SASH1: variants seen among roughly 807,000 people sequenced by gnomAD.
SASH1 encodes SAM and SH3 domain containing 1, also known as SAM and SH3 domain-containing protein 1.
In SASH1, 44 loss-of-function variants were observed where a neutral mutation model predicts 125.2. The ratio of observed to expected loss-of-function variants is 0.35; its 90% CI spans 0.28 to 0.45. The LOEUF (loss-of-function observed/expected upper bound fraction) is 0.45, where lower values mean the gene tolerates loss of function less well. SASH1 is among the 20% of genes least tolerant of loss of function. The pLI is 1.00. For synonymous variants in SASH1, 639 were observed against 649.1 expected (o/e 0.98, Z 0.24); for missense variants, 1,426 against 1,614.5 (o/e 0.88, Z 2.00).
the SASH1 span, among the ~76,000 whole-genome samples, chr6:148,218,533 A>G: frequency 3.3e-5 from 5 of 152,184 alleles, no homozygotes; most frequent in African/African-American, 7.2e-5. Context: ...CCCCAGTGCA[A>G]CTAAGCTGGT....
chr6:148,377,235 CAAA>C (rs1198855147), intron 1 of SASH1, among the ~76,000 whole-genome samples: 1 of 144,988 alleles, frequency 6.9e-6, no homozygotes, highest in African/African-American at 2.5e-5. Context: ...AAAAAAAACA[CAAA>C]AGATGAAACT....
At chr6:148,226,521 C>T in the SASH1 span, among the ~76,000 whole-genome samples, 2 of 152,164 alleles carry the variant, frequency 1.3e-5, no homozygotes, top group Non-Finnish European at 2.9e-5. Flanking sequence ...GAAAACTCAG[C>T]TCAAAGTGGT....
At chr6:148,300,115 T>C (rs769324755) in intron 1 of SASH1, among the ~76,000 whole-genome samples, 104 of 152,184 alleles carry the variant, frequency 6.8e-4, no homozygotes, top group Admixed American at 1.3e-3. Context: ...CTGTCAGAAG[T>C]GATTTAGTAA....
chr6:148,207,895 C>T, the SASH1 span, among the ~76,000 whole-genome samples: 11 of 152,318 alleles, frequency 7.2e-5, no homozygotes, highest in Middle Eastern at 3.4e-3. Flanking sequence ...GTATTCAAGT[C>T]TGTGAATCTG....
intron 1 of SASH1, among the ~76,000 whole-genome samples, chr6:148,302,761 ACTG>A (rs1780004004): frequency 2.0e-5 from 2 of 98,798 alleles, no homozygotes; most frequent in South Asian, 3.2e-4. Context: ...GTATTTATAT[ACTG>A]TGTGTGTGTA....
chr6:148,317,301 G>A (rs1226247636), intron 1 of SASH1, among the ~76,000 whole-genome samples: 3 of 152,188 alleles, frequency 2.0e-5, no homozygotes, highest in Admixed American at 6.5e-5. Context: ...GTTCATCTGT[G>A]ACACCATGTT....
At chr6:148,410,873 A>G (rs1562389247) in intron 2 of SASH1, among the ~76,000 whole-genome samples, 1 of 152,076 alleles carries the variant, frequency 6.6e-6, no homozygotes, top group Non-Finnish European at 1.5e-5. Context: ...ACAGACATAA[A>G]AGGCGGCCGG....
intron 1 of SASH1, among the ~76,000 whole-genome samples, chr6:148,330,586 A>C (rs1340629003): frequency 6.6e-6 from 1 of 151,874 alleles, no homozygotes; most frequent in Non-Finnish European, 1.5e-5. Flanking sequence ...TTTTATTTTT[A>C]CTTTTTTATT....
intron 1 of SASH1, among the ~76,000 whole-genome samples, chr6:148,332,563 T>TA (rs1470356159): frequency 6.6e-6 from 1 of 151,618 alleles, no homozygotes; most frequent in Non-Finnish European, 1.5e-5. Flanking sequence ...GTCTGCCCTT[T>TA]AAAACCAAGT....
chr6:148,531,189 A>G (rs2294783), intron 12 of SASH1, among the ~76,000 whole-genome samples: 11,292 of 152,224 alleles, frequency 0.074, 570 homozygotes, highest in Non-Finnish European at 0.1. Context: ...CTACATTTGA[A>G]GTCCAGCCTT....
chr6:148,224,563 G>A, the SASH1 span, among the ~76,000 whole-genome samples: 1 of 152,098 alleles, frequency 6.6e-6, no homozygotes, highest in Admixed American at 6.6e-5. Flanking sequence ...GTTTCACCAT[G>A]TTAGCCAGGC....
Position 148,424,244 on chromosome 6 carries a change from TG to T in SASH1, c.286-15931del, listed in dbSNP as rs1490192238. Among the ~76,000 whole-genome samples, 36 of 148,690 alleles carry T rather than the reference TG, an allele frequency of 2.4e-4. No individual in the cohort carries two copies. The South Asian group carries it at 4.3e-3, about 18-fold the overall frequency. ...TCTTGTTCTTCTTCTTTTTTTTTTTTGGGGGGGGGAGGTGGGACAGGGTCTC... is the reference window on the plus strand; with the variant it reads ...TCTTGTTCTTCTTCTTTTTTTTTTTTGGGGGGGGAGGTGGGACAGGGTCTC... On this transcript the variant is annotated intron_variant, in intron 2 of 19. Transcript: ENST00000367467.
intron 1 of SASH1, among the ~76,000 whole-genome samples, chr6:148,382,737 C>T (rs1462648893): frequency 6.6e-6 from 1 of 152,122 alleles, no homozygotes; most frequent in East Asian, 1.9e-4. Context: ...TAACCGGGAT[C>T]CACCTGTGCG....
chr6:148,517,851 C>T (rs753486663), intron 9 of SASH1, among the ~76,000 whole-genome samples: 16 of 152,194 alleles, frequency 1.1e-4, no homozygotes, highest in Non-Finnish European at 1.9e-4. Flanking sequence ...CCTTAGGATA[C>T]GCAGGGTGGA....
the SASH1 span, among the ~76,000 whole-genome samples, chr6:148,229,252 T>G: frequency 6.6e-6 from 1 of 151,970 alleles, no homozygotes. Flanking sequence ...AAGAAATTTC[T>G]GCCCAAGTAC....
chr6:148,382,484 T>G (rs1439261512), intron 1 of SASH1, among the ~76,000 whole-genome samples: 1 of 152,126 alleles, frequency 6.6e-6, no homozygotes, highest in Non-Finnish European at 1.5e-5. Context: ...GAGACGGAGT[T>G]TCTCCATGTT....
At chr6:148,510,339 G>A (rs1236162832) in intron 8 of SASH1, among the ~76,000 whole-genome samples, 3 of 152,178 alleles carry the variant, frequency 2.0e-5, no homozygotes, top group Admixed American at 6.5e-5. Flanking sequence ...TTCTGGTGAG[G>A]AGCTGTCATA....
At chr6:148,403,561 G>T (rs1329719544) in intron 2 of SASH1, among the ~76,000 whole-genome samples, 4 of 152,098 alleles carry the variant, frequency 2.6e-5, no homozygotes, top group Admixed American at 6.6e-5. Flanking sequence ...CAAAGTTTTT[G>T]CTCTTGTCAC....
At chr6:148,262,304 A>T in the SASH1 span, among the ~76,000 whole-genome samples, 1 of 152,170 alleles carries the variant, frequency 6.6e-6, no homozygotes, top group Admixed American at 6.5e-5. Context: ...AGTCAAGATC[A>T]ATTCTAAATG....
Sources: gnomAD v4.1 joint callset for allele counts (sites outside exome capture counted in the v4.1 genomes callset) on GRCh38, gnomAD v4.1.1 for gene constraint, MANE v1.5 for transcripts, NCBI Gene and HGNC (gene_info 2026-07-23, HGNC 2026-07-21) for gene names.